CBY1: variants seen among roughly 807,000 people sequenced by gnomAD.
CBY1 encodes the protein protein chibby homolog 1.
A neutral mutation model predicts 15.6 loss-of-function variants in CBY1; 10 were observed. That is an observed-to-expected ratio of 0.64 (90% CI 0.40 to 1.09). The LOEUF (loss-of-function observed/expected upper bound fraction) is 1.09, where lower values mean the gene tolerates loss of function less well. CBY1 is among the 50% of genes least tolerant of loss of function. The probability of loss-of-function intolerance (pLI) is 0.01; values close to 1 mark genes in which losing one functional copy is unlikely to be tolerated. For missense variants in CBY1, 150 were observed against 160.5 expected (o/e 0.93, Z 0.35); for synonymous variants, 61 against 63.5 (o/e 0.96, Z 0.19).
intron 1 of CBY1, chr22:38,665,760 T>A: frequency 8.3e-7 from 1 of 1,209,280 alleles, no homozygotes; most frequent in Non-Finnish European, 1.0e-6. Context: ...TTTGAGCCAG[T>A]GCGTTGGTTC....
At chr22:38,670,805 A>G in intron 2 of CBY1, 79 bp from the exon 3 acceptor site, 2 of 876,210 alleles carry the variant, frequency 2.3e-6, no homozygotes, top group Admixed American at 1.7e-5. Flanking sequence ...TGTTGGGGTC[A>G]TATTGTTGGC....
At position 38,673,386 on chromosome 22, in the gene CBY1, T is replaced by G; in HGVS notation, c.*150T>G. On this transcript the variant is annotated 3_prime_UTR_variant, in exon 5 of 5. Transcript: ENST00000216029. ...GTTGGCAATAGAAGGTGACATGGAA[T>G]GGAGAAAACCAAGATTCCAGATGGG... 1 of 575,254 alleles carries G rather than the reference T, an allele frequency of 1.7e-6. No individual in the cohort carries two copies. The highest frequency in any genetic ancestry group is 3.2e-6 in the Non-Finnish European group (1 of 310,576). 35.6% of individuals were successfully genotyped at this position (575,254 alleles called of 1,614,324 possible).
chr22:38,666,243 C>A (rs200615164), intron 1 of CBY1, among the ~76,000 whole-genome samples: 5 of 133,248 alleles, frequency 3.8e-5, no homozygotes, highest in Non-Finnish European at 8.1e-5. Flanking sequence ...ATTTTTTTTT[C>A]TTTTTTAACC....
rs762674357 is a variant in CBY1, at chr22:38,671,117, C to T, written c.232C>T (p.Arg78Cys). The T allele has an allele frequency of 1.7e-5, 27 of 1,614,060 alleles. No individual in the cohort carries two copies. The highest frequency in any genetic ancestry group is 5.3e-5 in the African/African-American group (4 of 74,916). ...GGACCGGAGGGAGGTTCAGCGCCTT[C>T]GCAGGCGGAACCAGCAGTTGGAGGA... Reference protein sequence around the residue: ...GVDRREVQRLRRRNQQLEEEN... With the variant: ...GVDRREVQRLCRRNQQLEEEN... The change falls in exon 4 of 5, where the codon CGC (arginine) becomes TGC (cysteine). Residue 78 changes from arginine (R) to cysteine (C), a missense_variant. Coordinates refer to ENST00000216029, the MANE Select transcript of CBY1 (RefSeq NM_015373.4).
intron 1 of CBY1, among the ~76,000 whole-genome samples, chr22:38,667,404 G>A (rs1299510150): frequency 1.3e-5 from 2 of 152,010 alleles, no homozygotes; most frequent in African/African-American, 4.8e-5. Context: ...ACCTCCCTGG[G>A]CTCCAGCGAC....
chr22:38,666,049 G>T (rs1270789362), intron 1 of CBY1, among the ~76,000 whole-genome samples: 1 of 151,338 alleles, frequency 6.6e-6, no homozygotes. Flanking sequence ...TGTCACTCAG[G>T]CTGGTCTTGA....
intron 1 of CBY1, among the ~76,000 whole-genome samples, chr22:38,664,083 T>C (rs920639366): frequency 7.3e-5 from 11 of 151,724 alleles, no homozygotes; most frequent in Admixed American, 5.3e-4. Flanking sequence ...TTCAGTACTG[T>C]ACATATATAC....
chr22:38,664,937 G>C (rs1441179764), intron 1 of CBY1, among the ~76,000 whole-genome samples: 1 of 151,890 alleles, frequency 6.6e-6, no homozygotes, highest in African/African-American at 2.4e-5. Flanking sequence ...TCAAACTCCT[G>C]GGCTGAAGCA....
rs768038066 is a variant in CBY1 at position 38,673,416 on chromosome 22, G to T, written c.*180G>T. 1.5e-4 allele frequency: 78 copies of T among 531,186 alleles called. No homozygotes were observed. The highest frequency in any genetic ancestry group is 2.5e-4 in the Non-Finnish European group (72 of 287,720). The allele number at this position is 531,186 out of a possible 1,614,324, so 32.9% of individuals were successfully genotyped here. ...AAAACCAAGATTCCAGATGGGGATA[G>T]TAACTAGAAGGTGCTTCAGATGCAC... On this transcript the variant is annotated 3_prime_UTR_variant, in exon 5 of 5. Coordinates refer to ENST00000216029, the MANE Select transcript of CBY1 (RefSeq NM_015373.4).
chr22:38,664,307 A>G (rs1463655682), intron 1 of CBY1, among the ~76,000 whole-genome samples: 1 of 151,926 alleles, frequency 6.6e-6, no homozygotes, highest in Non-Finnish European at 1.5e-5. Context: ...CCCTGTCTCT[A>G]TTAAAAATAC....
At chr22:38,671,867 T>C (rs1442767932) in intron 4 of CBY1, among the ~76,000 whole-genome samples, 1 of 152,110 alleles carries the variant, frequency 6.6e-6, no homozygotes, top group Non-Finnish European at 1.5e-5. Context: ...TGCACCCCTG[T>C]AGTCCCAGCT....
At chr22:38,659,530 A>G (rs556287582) in intron 1 of CBY1, among the ~76,000 whole-genome samples, 1 of 152,094 alleles carries the variant, frequency 6.6e-6, no homozygotes, top group African/African-American at 2.4e-5. Flanking sequence ...GATTATAGGC[A>G]TGAGCCACCG....
chr22:38,663,098 C>T (rs549922143), intron 1 of CBY1, among the ~76,000 whole-genome samples: 11 of 151,930 alleles, frequency 7.2e-5, no homozygotes, highest in African/African-American at 2.7e-4. Context: ...CCAGCCTGGG[C>T]GACAGAGTAA....
Position 38,671,181 on chromosome 22 carries a change from T to C in CBY1, c.296T>C (p.Leu99Ser). 1 of 1,609,772 alleles carries C rather than the reference T, an allele frequency of 6.2e-7. No homozygotes were observed. Among genetic ancestry groups the C allele is most frequent in the South Asian group, 1.1e-5 (1 of 90,972 alleles). Residue 99 changes from leucine to serine, a missense_variant, in exon 4 of 5, where the codon TTA becomes TCA. Physicochemically the swap from Leu to Ser is moderately radical, Grantham distance 145. Coordinates refer to ENST00000216029, the MANE Select transcript of CBY1 (RefSeq NM_015373.4). ...NLLRLKVDILLDMLSESTAES... is the reference protein window; with the variant it reads ...NLLRLKVDILSDMLSESTAES... ...TTGCGGCTGAAAGTGGACATCTTAT[T>C]AGACATGGTGAGGCAGGTGATGGGG...
At chr22:38,665,073 G>C (rs2092432332) in intron 1 of CBY1, among the ~76,000 whole-genome samples, 1 of 152,102 alleles carries the variant, frequency 6.6e-6, no homozygotes, top group Admixed American at 6.6e-5. Flanking sequence ...TGAACTCCTG[G>C]CATCAAGTGA....
chr22:38,671,751 C>T (rs578252007), intron 4 of CBY1: 1 of 152,880 alleles, frequency 6.5e-6, no homozygotes, highest in South Asian at 2.1e-4. Context: ...AGAGCACACA[C>T]TCCAGAGCAA....
chr22:38,660,150 T>C (rs1018234605), intron 1 of CBY1, among the ~76,000 whole-genome samples: 14 of 152,146 alleles, frequency 9.2e-5, no homozygotes, highest in African/African-American at 3.4e-4. Flanking sequence ...ATGGGTATTA[T>C]TCATCTTTTT....
intron 2 of CBY1, chr22:38,670,608 TTAAG>T (rs541155395): frequency 6.1e-4 from 200 of 330,066 alleles, no homozygotes; most frequent in Non-Finnish European, 9.6e-4. Context: ...GCTTAAACTA[TTAAG>T]TGTCAAGTAG....
chr22:38,667,384 T>C (rs1217314103), intron 1 of CBY1, among the ~76,000 whole-genome samples: 1 of 152,078 alleles, frequency 6.6e-6, no homozygotes, highest in East Asian at 1.9e-4. Flanking sequence ...CACAGCTCAC[T>C]GCAGCCTCAA....
Sources: gnomAD v4.1 joint callset for allele counts (sites outside exome capture counted in the v4.1 genomes callset) on GRCh38, gnomAD v4.1.1 for gene constraint, MANE v1.5 for transcripts, NCBI Gene and HGNC (gene_info 2026-07-23, HGNC 2026-07-21) for gene names.